Variants in MTTP observed in about 807,000 individuals in gnomAD.
The protein encoded by MTTP is microsomal triglyceride transfer protein large subunit.
MTTP carries 49 observed loss-of-function variants against 90.6 expected under a neutral mutation model. That is an observed-to-expected ratio of 0.54 (90% CI 0.43 to 0.69). The LOEUF is 0.69. Ranked by LOEUF, MTTP falls within the 30% of genes least tolerant of loss-of-function variation. The probability of loss-of-function intolerance (pLI) is 0.00; values close to 1 mark genes in which losing one functional copy is unlikely to be tolerated. For missense variants in MTTP, 945 were observed against 1,067.5 expected, an observed-to-expected ratio of 0.89 and a Z score of 1.60; for synonymous variants, 347 against 384.2, an observed-to-expected ratio of 0.90 and a Z score of 1.13.
chr4:99,600,827 T>G, intron 9 of MTTP, 94 bp downstream of exon 9: 6 of 1,238,542 alleles, frequency 4.8e-6, no homozygotes, highest in Non-Finnish European at 6.8e-6. Context: ...GAATGAAGGC[T>G]ATCAACTAGA....
rs1560628575 is a variant in MTTP at position 99,622,656 on chromosome 4, ATTG to A, written c.2514-17_2514-15del. On this transcript the variant is annotated intron_variant, in intron 17 of 17. Coordinates refer to ENST00000265517, the MANE Select transcript of MTTP (RefSeq NM_001386140.1). ...ACTTAACTGTGTGTGTAATTCTGTT[ATTG>A]TTGCTGTTGTTGTACAGGCAATTTG... The A allele has an allele frequency of 6.2e-7, 1 of 1,612,956 alleles. No individual in the cohort carries two copies.
At chr4:99,602,121 A>G (rs1490354163) in intron 10 of MTTP, among the ~76,000 whole-genome samples, 2 of 152,016 alleles carry the variant, frequency 1.3e-5, no homozygotes, top group African/African-American at 4.8e-5. Flanking sequence ...GAAATATTAG[A>G]CTCTAAGTCT....
At chr4:99,605,811 C>T (rs929493025) in intron 10 of MTTP, among the ~76,000 whole-genome samples, 1 of 151,428 alleles carries the variant, frequency 6.6e-6, no homozygotes, top group African/African-American at 2.4e-5. Context: ...CTATTGGGAG[C>T]CTTTTGTTAA....
upstream of MTTP, among the ~76,000 whole-genome samples, chr4:99,571,390 T>C (rs1268592772): frequency 6.6e-6 from 1 of 151,970 alleles, no homozygotes; most frequent in East Asian, 1.9e-4. Context: ...TTATTGTATT[T>C]ACAGTAGTCT....
chr4:99,600,317 T>C (rs1225990394), intron 8 of MTTP, among the ~76,000 whole-genome samples: 1 of 152,132 alleles, frequency 6.6e-6, no homozygotes, highest in Non-Finnish European at 1.5e-5. Flanking sequence ...GTTAATATAG[T>C]AAAATTAGTT....
At chr4:99,595,377 G>A (rs1300460457) in intron 7 of MTTP, 1 of 177,010 alleles carries the variant, frequency 5.6e-6, no homozygotes, top group African/African-American at 2.4e-5. Flanking sequence ...TGTCAGAAAT[G>A]CGATATCTCA....
intron 7 of MTTP, among the ~76,000 whole-genome samples, chr4:99,596,842 T>C (rs2110221981): frequency 6.6e-6 from 1 of 152,200 alleles, no homozygotes; most frequent in Non-Finnish European, 1.5e-5. Flanking sequence ...AAGCTAAATA[T>C]GAATAGACAA....
At chr4:99,580,462 C>A (rs1483439464) in intron 1 of MTTP, among the ~76,000 whole-genome samples, 1 of 150,386 alleles carries the variant, frequency 6.6e-6, no homozygotes, top group Non-Finnish European at 1.5e-5. Flanking sequence ...GTATTACTAG[C>A]TACTCAGGAG....
intron 1 of MTTP, among the ~76,000 whole-genome samples, 168 bp downstream of exon 1, chr4:99,575,138 A>T (rs556455485): frequency 1.1e-4 from 16 of 152,328 alleles, no homozygotes; most frequent in African/African-American, 3.6e-4. Context: ...GCTGAGTTGA[A>T]ATGAAAACCA....
intron 4 of MTTP, among the ~76,000 whole-genome samples, chr4:99,590,083 G>T (rs1276995277): frequency 6.6e-6 from 1 of 151,696 alleles, no homozygotes; most frequent in African/African-American, 2.4e-5. Flanking sequence ...TGATTCAGTA[G>T]ATCGGGGAGG....
intron 9 of MTTP, among the ~76,000 whole-genome samples, chr4:99,601,152 G>A (rs1164116065): frequency 1.3e-5 from 2 of 152,064 alleles, no homozygotes; most frequent in Non-Finnish European, 2.9e-5. Flanking sequence ...GAAAACAAAA[G>A]CTAGACTTCT....
At chr4:99,572,359 T>C (rs1446793851), upstream of MTTP, among the ~76,000 whole-genome samples, 4 of 152,006 alleles carry the variant, frequency 2.6e-5, no homozygotes, top group Non-Finnish European at 5.9e-5. Context: ...TCATACAAAA[T>C]TGTGATGACT....
chr4:99,618,155 T>G (rs1312595713), intron 15 of MTTP, among the ~76,000 whole-genome samples: 1 of 152,166 alleles, frequency 6.6e-6, no homozygotes, highest in Non-Finnish European at 1.5e-5. Flanking sequence ...ATAAGTAATC[T>G]AGAGATGATT....
At chr4:99,588,748 T>C (rs149802314) in intron 3 of MTTP, among the ~76,000 whole-genome samples, 1,319 of 105,832 alleles carry the variant, frequency 0.012, 9 homozygotes, top group Non-Finnish European at 0.017. Flanking sequence ...TATATGTTCA[T>C]ATATATACAC....
chr4:99,593,533 G>A (rs1210090307), intron 6 of MTTP, among the ~76,000 whole-genome samples: 1 of 152,080 alleles, frequency 6.6e-6, no homozygotes, highest in Non-Finnish European at 1.5e-5. Flanking sequence ...GTTCTAACAG[G>A]ATTAAGAACT....
In MTTP at chr4:99,608,844, A is replaced by G. The variant is rs200992175; in HGVS notation, c.1636A>G (p.Ile546Val). 27 of 1,614,040 alleles carry G rather than the reference A, an allele frequency of 1.7e-5. No homozygotes were observed. Among genetic ancestry groups the G allele is most frequent in the East Asian group, 2.2e-5 (1 of 44,886 alleles). The change falls in exon 12 of 18, where the codon ATC becomes GTC. Residue 546 changes from isoleucine (I) to valine (V), a missense_variant. Coordinates refer to ENST00000265517, the MANE Select transcript of MTTP (RefSeq NM_001386140.1). ...GACTGTGCGCACTGCTGCAGCTGCT[A>G]TCATTTTAAATAACAATCCATCCTA... ...EKTVRTAAAAIILNNNPSYMD... is the reference protein window; with the variant it reads ...EKTVRTAAAAVILNNNPSYMD...
chr4:99,623,680 G>A lies in MTTP; in HGVS notation c.*832G>A, dbSNP rs1263273057. The A allele has an allele frequency of 2.0e-5, 3 of 152,054 alleles. No homozygotes were observed. The highest frequency in any genetic ancestry group is 2.0e-4 in the Admixed American group (3 of 15,264). The allele number at this position is 152,054 out of a possible 1,614,324, so 9.4% of individuals were successfully genotyped here. On this transcript the variant is annotated 3_prime_UTR_variant, in exon 18 of 18. Coordinates refer to ENST00000265517, the MANE Select transcript of MTTP (RefSeq NM_001386140.1). ...ATCCTCATTTTATCTCACCTTTTTG[G>A]GGGTGAGAGCTCTAGTTCATTTAAC...
chr4:99,565,189 A>G (rs927607922), intron 1 of MTTP, among the ~76,000 whole-genome samples: 1 of 152,198 alleles, frequency 6.6e-6, no homozygotes, highest in Non-Finnish European at 1.5e-5. Flanking sequence ...GATGTGCCAA[A>G]TCTTTCCACA....
At chr4:99,601,545 A>C in intron 9 of MTTP, 62 bp from the exon 10 acceptor site, 1 of 1,223,278 alleles carries the variant, frequency 8.2e-7, no homozygotes, top group Non-Finnish European at 1.2e-6. Context: ...TTTTAACTAA[A>C]AGTGTTCCTT....
Sources: gnomAD v4.1 joint callset for allele counts (sites outside exome capture counted in the v4.1 genomes callset) on GRCh38, gnomAD v4.1.1 for gene constraint, MANE v1.5 for transcripts, NCBI Gene and HGNC (gene_info 2026-07-23, HGNC 2026-07-21) for gene names.